PHACTR1: variants seen among roughly 807,000 people sequenced by gnomAD.
PHACTR1 encodes the protein phosphatase and actin regulator 1, also known as RPEL repeat containing 1.
Under a neutral mutation model 69.2 loss-of-function variants are expected in PHACTR1, and 16 were observed. That is an observed-to-expected ratio of 0.23 (90% CI 0.16 to 0.35). The LOEUF is 0.35. Among genes scored for constraint, PHACTR1 ranks in the 10% least tolerant of loss-of-function variants. The pLI is 1.00. For synonymous variants in PHACTR1, 312 were observed against 284.5 expected, an observed-to-expected ratio of 1.10 and a Z score of -0.97; for missense variants, 510 against 734.7, an observed-to-expected ratio of 0.69 and a Z score of 3.54.
At chr6:13,210,011 A>G (rs968887749) in intron 8 of PHACTR1, among the ~76,000 whole-genome samples, 6 of 151,950 alleles carry the variant, frequency 3.9e-5, no homozygotes, top group African/African-American at 1.5e-4. Context: ...CTTTTTATTT[A>G]TATTTTTTAT....
intron 11 of PHACTR1, chr6:13,273,902 G>GCCCCC: frequency 2.1e-5 from 3 of 145,758 alleles, no homozygotes; most frequent in African/African-American, 8.0e-5. Context: ...GCCTCCCCCG[G>GCCCCC]CCCCCCCGCC....
intron 6 of PHACTR1, among the ~76,000 whole-genome samples, chr6:13,168,951 G>A (rs187766658): frequency 6.6e-6 from 1 of 152,230 alleles, no homozygotes; most frequent in Admixed American, 6.5e-5. Context: ...CAGATTTGCA[G>A]CCTCATCACA....
chr6:13,154,799 C>T (rs1335459712), intron 5 of PHACTR1, among the ~76,000 whole-genome samples: 2 of 151,064 alleles, frequency 1.3e-5, no homozygotes, highest in African/African-American at 2.4e-5. Flanking sequence ...TGGCTCACTC[C>T]TCTTCTTCTA....
intron 6 of PHACTR1, among the ~76,000 whole-genome samples, chr6:13,164,349 G>A (rs1759474700): frequency 6.6e-6 from 1 of 152,168 alleles, no homozygotes; most frequent in Admixed American, 6.5e-5. Context: ...TAGATTCGGA[G>A]CAATCATTCC....
intron 4 of PHACTR1, among the ~76,000 whole-genome samples, chr6:13,023,124 A>G (rs1286398605): frequency 6.6e-6 from 1 of 152,224 alleles, no homozygotes; most frequent in African/African-American, 2.4e-5. Flanking sequence ...TCCAGTGTCC[A>G]ATTACATATC....
intron 4 of PHACTR1, among the ~76,000 whole-genome samples, chr6:13,049,908 G>C (rs1805658062): frequency 6.6e-6 from 1 of 152,186 alleles, no homozygotes; most frequent in Non-Finnish European, 1.5e-5. Flanking sequence ...AGGTTTGAAG[G>C]CAGGAGAGTA....
At chr6:13,120,480 G>C (rs1280076003) in intron 5 of PHACTR1, among the ~76,000 whole-genome samples, 1 of 152,232 alleles carries the variant, frequency 6.6e-6, no homozygotes, top group Non-Finnish European at 1.5e-5. Flanking sequence ...GAAGCACGCT[G>C]CTGGCCACTT....
At chr6:12,919,884 G>A (rs1554167910) in intron 4 of PHACTR1, among the ~76,000 whole-genome samples, 2 of 152,164 alleles carry the variant, frequency 1.3e-5, no homozygotes, top group Non-Finnish European at 2.9e-5. Context: ...GAGTACAATG[G>A]AAAGAGCACT....
intron 8 of PHACTR1, among the ~76,000 whole-genome samples, chr6:13,224,195 G>A (rs768586983): frequency 1.1e-4 from 17 of 152,186 alleles, no homozygotes; most frequent in African/African-American, 2.9e-4. Context: ...GCTTCTGCCC[G>A]ACAAGGAGCC....
intron 12 of PHACTR1, among the ~76,000 whole-genome samples, chr6:13,279,048 C>A: frequency 1.0e-5 from 1 of 98,982 alleles, no homozygotes; most frequent in Non-Finnish European, 2.2e-5. Flanking sequence ...TTTTTTTTTG[C>A]TCCCCCTGAC....
intron 4 of PHACTR1, among the ~76,000 whole-genome samples, chr6:13,013,830 C>T (rs1582963850): frequency 6.8e-6 from 1 of 147,870 alleles, no homozygotes; most frequent in Non-Finnish European, 1.5e-5. Flanking sequence ...CCGAGGGGCG[C>T]GAGTGGCAGC....
chr6:12,732,386 T>C (rs553538326), intron 3 of PHACTR1, among the ~76,000 whole-genome samples: 5 of 152,074 alleles, frequency 3.3e-5, no homozygotes, highest in Non-Finnish European at 7.4e-5. Context: ...ATGGGGTACA[T>C]GTGCAGAACG....
rs576915458 is a variant in PHACTR1, at chr6:13,022,749, G to T, written c.251-30616G>T. Reference sequence around the variant, plus strand: ...AGTATCTCTCCTGTCTGGGTGCGGTGGCTCACACCTGTAATCCAGCACCTT... The same window carrying T: ...AGTATCTCTCCTGTCTGGGTGCGGTTGCTCACACCTGTAATCCAGCACCTT... On this transcript the variant is annotated intron_variant, in intron 4 of 14. Coordinates refer to ENST00000332995, the MANE Select transcript of PHACTR1 (RefSeq NM_030948.6). Among the ~76,000 whole-genome samples the T allele has an allele frequency of 5.9e-5, 9 of 152,220 alleles. No individual in the cohort carries two copies. The South Asian group carries it at 1.7e-3, about 28-fold the overall frequency.
chr6:12,830,755 A>C (rs533050969), intron 4 of PHACTR1, among the ~76,000 whole-genome samples: 2 of 150,690 alleles, frequency 1.3e-5, no homozygotes, highest in Non-Finnish European at 3.0e-5. Context: ...TGCCCAGCTC[A>C]TTTTTTTTGT....
At chr6:12,812,815 G>A (rs1453201451) in intron 4 of PHACTR1, among the ~76,000 whole-genome samples, 1 of 152,162 alleles carries the variant, frequency 6.6e-6, no homozygotes, top group East Asian at 1.9e-4. Context: ...AGAAATTCCC[G>A]TTGCACTTCA....
intron 4 of PHACTR1, among the ~76,000 whole-genome samples, chr6:12,755,305 T>G (rs1767185251): frequency 6.6e-6 from 1 of 152,222 alleles, no homozygotes; most frequent in Non-Finnish European, 1.5e-5. Context: ...ATCAATTTCC[T>G]AAGACCATGG....
intron 4 of PHACTR1, among the ~76,000 whole-genome samples, chr6:13,025,723 G>A (rs542498209): frequency 6.7e-6 from 1 of 150,300 alleles, no homozygotes; most frequent in Admixed American, 6.6e-5. Context: ...GTGTGTATGG[G>A]TGTGTATGGA....
chr6:13,283,598 G>A lies in PHACTR1; in HGVS notation c.1650+36G>A. 6.2e-7 allele frequency: 1 copy of A among 1,613,338 alleles called. No individual in the cohort carries two copies. The highest frequency in any genetic ancestry group is 1.1e-5 in the South Asian group (1 of 91,044). On this transcript the variant is annotated intron_variant, in intron 13 of 14. Transcript: ENST00000332995. The surrounding 1 kb of genome is among the most constrained non-coding windows in gnomAD (Gnocchi z 4.7). Reference sequence around the variant, plus strand: ...GGGAGTGCTGGAGAGTGGGAGGCAGGACCGTCTGCTGGGTCTCGCTGGGCT... The same window carrying A: ...GGGAGTGCTGGAGAGTGGGAGGCAGAACCGTCTGCTGGGTCTCGCTGGGCT...
chr6:12,977,473 A>G (rs1009428678), intron 4 of PHACTR1, among the ~76,000 whole-genome samples: 2 of 151,890 alleles, frequency 1.3e-5, no homozygotes, highest in African/African-American at 4.8e-5. Flanking sequence ...TTAGCTTATC[A>G]CTATATGTAA....
Sources: gnomAD v4.1 joint callset for allele counts (sites outside exome capture counted in the v4.1 genomes callset) on GRCh38, gnomAD v4.1.1 for gene constraint, Gnocchi (gnomAD v3.1) non-coding constraint, MANE v1.5 for transcripts, NCBI Gene and HGNC (gene_info 2026-07-23, HGNC 2026-07-21) for gene names.